BNC2: variants seen among roughly 807,000 people sequenced by gnomAD.
The protein encoded by BNC2 is zinc finger protein basonuclin-2.
BNC2 carries 20 observed loss-of-function variants against 76.3 expected under a neutral mutation model. That is an observed-to-expected ratio of 0.26 (90% CI 0.18 to 0.38). BNC2 has a LOEUF of 0.38. Among genes scored for constraint, BNC2 ranks in the 10% least tolerant of loss-of-function variants. The pLI is 1.00. For synonymous variants in BNC2, 582 were observed against 514.8 expected, an observed-to-expected ratio of 1.13 and a Z score of -1.77; for missense variants, 1,382 against 1,399.8, an observed-to-expected ratio of 0.99 and a Z score of 0.20.
chr9:16,688,409 C>T (rs1351838408), intron 3 of BNC2, among the ~76,000 whole-genome samples: 1 of 152,132 alleles, frequency 6.6e-6, no homozygotes, highest in Non-Finnish European at 1.5e-5. Flanking sequence ...TGTCTAACCC[C>T]TTATTATTAG....
At chr9:16,847,776 A>G (rs1819025001) in intron 1 of BNC2, among the ~76,000 whole-genome samples, 1 of 152,206 alleles carries the variant, frequency 6.6e-6, no homozygotes, top group Admixed American at 6.5e-5. Context: ...CAGAAAAATG[A>G]AAAGACCATA....
intron 3 of BNC2, among the ~76,000 whole-genome samples, chr9:16,671,640 T>C (rs1437042970): frequency 2.6e-5 from 4 of 152,310 alleles, no homozygotes; most frequent in East Asian, 1.9e-4. Flanking sequence ...ACTCAGCTCA[T>C]TGAAGCCTGC....
intron 6 of BNC2, among the ~76,000 whole-genome samples, chr9:16,425,737 T>C (rs1390033694): frequency 6.6e-6 from 1 of 152,230 alleles, no homozygotes. Context: ...ATTGGTTTGT[T>C]GGCAGAGGCA....
chr9:16,617,597 G>C (rs1820747447), intron 3 of BNC2, among the ~76,000 whole-genome samples: 1 of 150,884 alleles, frequency 6.6e-6, no homozygotes, highest in African/African-American at 2.4e-5. Context: ...TATGGTTTTT[G>C]TGGCAGGCAC....
chr9:16,673,403 T>TA (rs5896698), intron 3 of BNC2, among the ~76,000 whole-genome samples: 105,316 of 149,968 alleles, frequency 0.7, 38,012 homozygotes, highest in African/African-American at 0.8. Context: ...TCAAAAAGAA[T>TA]AAACTCCCAG....
chr9:16,616,028 T>C (rs1029408290), intron 3 of BNC2, among the ~76,000 whole-genome samples: 1 of 152,146 alleles, frequency 6.6e-6, no homozygotes, highest in Non-Finnish European at 1.5e-5. Context: ...TACATCAAGA[T>C]AACTCCAATT....
chr9:16,727,577 G>A (rs1299609065), intron 3 of BNC2: 3 of 549,706 alleles, frequency 5.5e-6, no homozygotes, highest in Admixed American at 3.3e-5. Flanking sequence ...CTTTTACTTC[G>A]GTATCCTTTC....
intron 3 of BNC2, among the ~76,000 whole-genome samples, chr9:16,620,540 C>T (rs150223361): frequency 3.3e-5 from 5 of 152,282 alleles, no homozygotes; most frequent in East Asian, 1.9e-4. Flanking sequence ...TTAGTAGCTA[C>T]TGAAACTTCT....
intron 4 of BNC2, among the ~76,000 whole-genome samples, chr9:16,565,806 CAA>C (rs567073225): frequency 9.1e-5 from 11 of 120,834 alleles, no homozygotes; most frequent in Admixed American, 8.4e-5. Context: ...AGCCCCATCT[CAA>C]AAAAAAAAAA....
At chr9:16,532,086 TA>T (rs1817994314) in intron 5 of BNC2, among the ~76,000 whole-genome samples, 1 of 152,024 alleles carries the variant, frequency 6.6e-6, no homozygotes, top group African/African-American at 2.4e-5. Flanking sequence ...TGTTAACACA[TA>T]AATTATCAAT....
chr9:16,752,521 T>G (rs1825250574), intron 1 of BNC2, among the ~76,000 whole-genome samples: 1 of 152,254 alleles, frequency 6.6e-6, no homozygotes. Flanking sequence ...AGTTTAATCT[T>G]AGAAGTAAAA....
At chr9:16,780,235 C>CAAAAAAAAAAAAAAA (rs372583425) in intron 1 of BNC2, among the ~76,000 whole-genome samples, 20 of 66,254 alleles carry the variant, frequency 3.0e-4, no homozygotes, top group Non-Finnish European at 4.3e-4. Context: ...GACTTCGTTT[C>CAAAAAAAAAAAAAAA]AAAAAAAAAA....
intron 1 of BNC2, among the ~76,000 whole-genome samples, chr9:16,861,976 G>A (rs940094812): frequency 3.3e-5 from 5 of 150,764 alleles, no homozygotes; most frequent in African/African-American, 7.3e-5. Flanking sequence ...GCGACAGAGC[G>A]AGACTCCATC....
chr9:16,860,641 A>G (rs2136204660), intron 1 of BNC2, among the ~76,000 whole-genome samples: 1 of 152,370 alleles, frequency 6.6e-6, no homozygotes, highest in East Asian at 1.9e-4. Flanking sequence ...GTTAGACAAT[A>G]GTTTCTTAGA....
intron 1 of BNC2, among the ~76,000 whole-genome samples, chr9:16,762,346 G>A (rs929867761): frequency 1.3e-5 from 2 of 152,112 alleles, no homozygotes; most frequent in African/African-American, 4.8e-5. Context: ...GACATCCAGA[G>A]ATCTTTACCC....
At chr9:16,768,931 C>T (rs976207134) in intron 1 of BNC2, among the ~76,000 whole-genome samples, 2 of 151,978 alleles carry the variant, frequency 1.3e-5, no homozygotes, top group Non-Finnish European at 2.9e-5. Context: ...AGACAAATGG[C>T]GCAGACAGTG....
At chr9:16,494,887 A>C (rs980369261) in intron 5 of BNC2, among the ~76,000 whole-genome samples, 13 of 152,154 alleles carry the variant, frequency 8.5e-5, no homozygotes, top group Non-Finnish European at 1.8e-4. Context: ...GTAAATGATG[A>C]GTTGATGGGT....
At chr9:16,484,041 C>T (rs149617052) in intron 5 of BNC2, among the ~76,000 whole-genome samples, 2 of 152,312 alleles carry the variant, frequency 1.3e-5, no homozygotes, top group African/African-American at 4.8e-5. Flanking sequence ...CTGGCTCTCC[C>T]AGGAGAAAGT....
intron 6 of BNC2, among the ~76,000 whole-genome samples, chr9:16,432,416 T>C (rs1298519581): frequency 6.6e-6 from 1 of 152,234 alleles, no homozygotes; most frequent in Non-Finnish European, 1.5e-5. Flanking sequence ...AGACACTATT[T>C]AACATCTTTC....
Sources: allele counts gnomAD v4.1 joint callset (sites outside exome capture counted in the v4.1 genomes callset), GRCh38; gene constraint gnomAD v4.1.1; transcripts MANE v1.5; gene names NCBI Gene and HGNC (gene_info 2026-07-23, HGNC 2026-07-21).